Variants in TPD52L2 observed in about 807,000 individuals in gnomAD.
TPD52L2 encodes tumor protein D54.
TPD52L2 carries 19 observed loss-of-function variants against 24.7 expected under a neutral mutation model. The ratio of observed to expected loss-of-function variants is 0.77; its 90% CI spans 0.54 to 1.13. The LOEUF is 1.13. Ranked by LOEUF, TPD52L2 falls within the 50% of genes most tolerant of loss-of-function variation. The pLI is 0.00. For missense variants in TPD52L2, 236 were observed against 250.4 expected (o/e 0.94, Z 0.39); for synonymous variants, 104 against 100.2 (o/e 1.04, Z -0.23).
chr20:63,874,051 C>T (rs2052566916), intron 3 of TPD52L2, among the ~76,000 whole-genome samples: 2 of 151,868 alleles, frequency 1.3e-5, no homozygotes, highest in Non-Finnish European at 2.9e-5. Flanking sequence ...TTTTTGTGTA[C>T]TTTATTATTA....
At chr20:63,886,365 C>CT (rs536322547) in intron 5 of TPD52L2, among the ~76,000 whole-genome samples, 1,888 of 142,850 alleles carry the variant, frequency 0.013, 28 homozygotes, top group South Asian at 0.081. Flanking sequence ...TGAAAAGGAG[C>CT]TTTTTTTTTT....
intron 5 of TPD52L2, among the ~76,000 whole-genome samples, chr20:63,884,601 C>T (rs928075742): frequency 1.3e-5 from 2 of 152,232 alleles, no homozygotes; most frequent in African/African-American, 4.8e-5. Context: ...TCTGTCTGCT[C>T]CTCCTTCTCT....
intron 1 of TPD52L2, 69 bp from the exon 2 acceptor site, chr20:63,869,227 G>A: frequency 6.3e-7 from 1 of 1,586,226 alleles, no homozygotes; most frequent in Non-Finnish European, 8.6e-7. Flanking sequence ...TGTCCTGCTA[G>A]AGACCTCTAC....
At chr20:63,866,994 C>G (rs2052272883) in intron 1 of TPD52L2, among the ~76,000 whole-genome samples, 1 of 150,238 alleles carries the variant, frequency 6.7e-6, no homozygotes, top group Admixed American at 6.6e-5. Flanking sequence ...GCTCTTGTTG[C>G]CCACGCTGCA....
rs937370111 is a variant in TPD52L2, at chr20:63,877,410, C to T, written c.374+1535C>T. ...TCCTGACCTCGTGATCCGCCCATCT[C>T]GGCCTCCCAAAGTGCTGGGATGACA... On this transcript the variant is annotated intron_variant, in intron 4 of 6. Transcript: ENST00000346249. This position sits in a 1 kb window ranked among gnomAD's most constrained non-coding sequence, Gnocchi z 4.1. Among the ~76,000 whole-genome samples the T allele has an allele frequency of 2.9e-4, 44 of 152,192 alleles. No individual in the cohort carries two copies. The highest frequency in any genetic ancestry group is 1.0e-3 in the African/African-American group (42 of 41,462).
chr20:63,887,300 G>A (rs1487840885), intron 5 of TPD52L2: 24 of 593,532 alleles, frequency 4.0e-5, no homozygotes, highest in Non-Finnish European at 5.4e-5. Context: ...GCCCAAGCCT[G>A]GTCTCCTCAC....
chr20:63,888,672 C>T (rs894464372), intron 5 of TPD52L2: 39 of 148,380 alleles, frequency 2.6e-4, no homozygotes, highest in Non-Finnish European at 4.4e-4. Context: ...AGAGAGGGGC[C>T]GACAGCCCCC....
At chr20:63,887,547 G>A (rs748533786) in intron 5 of TPD52L2, 2 of 1,613,298 alleles carry the variant, frequency 1.2e-6, no homozygotes, top group South Asian at 2.2e-5. Context: ...CTCTGCTTCT[G>A]CCATGCTTCC....
In TPD52L2 at chr20:63,890,029, G is replaced by T. The variant is rs1218796092; in HGVS notation, c.*84G>T. On this transcript the variant is annotated 3_prime_UTR_variant, in exon 7 of 7. Coordinates refer to ENST00000346249, the MANE Select transcript of TPD52L2 (RefSeq NM_003288.4). The stretch of plus-strand genomic sequence containing the variant: ...GCAGCTCTGTTCAGCGGAGCAGCCA[G>T]CCAGGGCGGATGAGCAGAGCCGGCC... The T allele has an allele frequency of 3.8e-6, 6 of 1,587,586 alleles. No homozygotes were observed. The highest frequency in any genetic ancestry group is 2.7e-5 in the African/African-American group (2 of 74,432).
Position 63,880,486 on chromosome 20 carries a change from C to G in TPD52L2, c.375-2233C>G, listed in dbSNP as rs575908934. 9.1e-4 allele frequency among the ~76,000 whole-genome samples: 139 copies of G among 152,392 alleles called. No homozygotes were observed. The Middle Eastern group carries it at 0.014, about 15-fold the overall frequency. ...GGCACAAATGCAGGTGCTGTGAGCGCTTTAGAATCCTCTGCTGCAGGTGAC... is the reference window on the plus strand; with the variant it reads ...GGCACAAATGCAGGTGCTGTGAGCGGTTTAGAATCCTCTGCTGCAGGTGAC... On this transcript the variant is annotated intron_variant, in intron 4 of 6. Coordinates refer to ENST00000346249, the MANE Select transcript of TPD52L2 (RefSeq NM_003288.4).
At chr20:63,883,846 C>T (rs1236553780) in intron 5 of TPD52L2, among the ~76,000 whole-genome samples, 1 of 151,796 alleles carries the variant, frequency 6.6e-6, no homozygotes, top group African/African-American at 2.4e-5. Context: ...GCCTGCCTCC[C>T]TGCCTGCCTG....
intron 5 of TPD52L2, among the ~76,000 whole-genome samples, chr20:63,883,572 C>T (rs1600827560): frequency 1.3e-5 from 2 of 152,192 alleles, no homozygotes; most frequent in Non-Finnish European, 2.9e-5. Flanking sequence ...CAACAGCATC[C>T]TGGCCCCAAC....
intron 2 of TPD52L2, among the ~76,000 whole-genome samples, chr20:63,872,690 A>AT (rs2052513265): frequency 7.5e-6 from 1 of 133,778 alleles, no homozygotes; most frequent in African/African-American, 2.9e-5. Context: ...GGTCTTCACC[A>AT]TTTTTTTGTT....
chr20:63,867,238 G>A (rs532988510), intron 1 of TPD52L2, among the ~76,000 whole-genome samples: 1 of 152,308 alleles, frequency 6.6e-6, no homozygotes, highest in South Asian at 2.1e-4. Flanking sequence ...ACAGGTGTGA[G>A]CCATTGTGCC....
chr20:63,889,029 G>A, intron 5 of TPD52L2, 161 bp from the exon 6 acceptor site: 1 of 664,334 alleles, frequency 1.5e-6, no homozygotes, highest in South Asian at 1.7e-5. Context: ...GACCTGGGGA[G>A]TCTCCGGAAT....
intron 5 of TPD52L2, chr20:63,886,902 CA>C (rs1376550728): frequency 1.3e-5 from 2 of 154,916 alleles, no homozygotes; most frequent in African/African-American, 4.8e-5. Flanking sequence ...CTTGGCCTCC[CA>C]AAGTGCTGGG....
intron 4 of TPD52L2, among the ~76,000 whole-genome samples, chr20:63,878,010 G>T (rs2052756433): frequency 6.6e-6 from 1 of 152,298 alleles, no homozygotes; most frequent in South Asian, 2.1e-4. Flanking sequence ...CAGACGGAAG[G>T]GATGCGGCTT....
chr20:63,889,496 C>T (rs1257310165), intron 6 of TPD52L2, among the ~76,000 whole-genome samples: 1 of 152,030 alleles, frequency 6.6e-6, no homozygotes, highest in African/African-American at 2.4e-5. Context: ...TCCCCACTGC[C>T]CTTCCTGGTC....
chr20:63,886,878 C>CAG (rs1489512836), intron 5 of TPD52L2: 1 of 154,274 alleles, frequency 6.5e-6, no homozygotes, highest in Non-Finnish European at 1.4e-5. Context: ...CTCCTGACCT[C>CAG]GTGATCCACC....
Sources: gnomAD v4.1 joint callset for allele counts (sites outside exome capture counted in the v4.1 genomes callset) on GRCh38, gnomAD v4.1.1 for gene constraint, Gnocchi (gnomAD v3.1) non-coding constraint, MANE v1.5 for transcripts, NCBI Gene and HGNC (gene_info 2026-07-23, HGNC 2026-07-21) for gene names.